Variants in MAP4K4 observed in about 807,000 individuals in gnomAD.
MAP4K4 encodes the protein mitogen-activated protein kinase kinase kinase kinase 4, also known as HPK/GCK-like kinase HGK.
MAP4K4 carries 38 observed loss-of-function variants against 189.6 expected under a neutral mutation model. That is an observed-to-expected ratio of 0.20 (90% confidence interval 0.15 to 0.26). The LOEUF is 0.26. Ranked by LOEUF, MAP4K4 falls within the 10% of genes least tolerant of loss-of-function variation. MAP4K4 has a pLI of 1.00. For missense variants in MAP4K4, 1,054 were observed against 1,726.9 expected, an observed-to-expected ratio of 0.61 and a Z score of 6.91; for synonymous variants, 610 against 624.3, an observed-to-expected ratio of 0.98 and a Z score of 0.34.
At chr2:101,890,985 A>G (rs1291807940) in intron 32 of MAP4K4, among the ~76,000 whole-genome samples, 181 bp from the exon 33 acceptor site, 2 of 152,080 alleles carry the variant, frequency 1.3e-5, no homozygotes, top group Non-Finnish European at 2.9e-5. Context: ...TGGCCTCCCA[A>G]AGTGCTGGGA....
At chr2:101,745,404 A>T (rs2149835701) in intron 2 of MAP4K4, among the ~76,000 whole-genome samples, 1 of 103,292 alleles carries the variant, frequency 9.7e-6, no homozygotes, top group African/African-American at 4.1e-5. Flanking sequence ...GTCTCTGGTG[A>T]TTTCCTACAT....
intron 2 of MAP4K4, among the ~76,000 whole-genome samples, chr2:101,755,942 T>TC (rs2072438399): frequency 7.6e-6 from 1 of 130,764 alleles, no homozygotes; most frequent in Non-Finnish European, 1.6e-5. Flanking sequence ...TTTTTTTTTT[T>TC]TTTTTTTTTT....
chr2:101,698,196 G>A, intron 1 of MAP4K4, 59 bp downstream of exon 1: 1 of 551,832 alleles, frequency 1.8e-6, no homozygotes, highest in Non-Finnish European at 2.3e-6. Context: ...GGCAGCCGGG[G>A]CCGCGCCCAG....
chr2:101,793,060 G>A (rs2093189687), intron 3 of MAP4K4, among the ~76,000 whole-genome samples: 1 of 152,094 alleles, frequency 6.6e-6, no homozygotes, highest in Non-Finnish European at 1.5e-5. Context: ...CACTTTTGTT[G>A]AGTTGTGTAC....
At chr2:101,795,735 A>G (rs762009290) in intron 3 of MAP4K4, among the ~76,000 whole-genome samples, 1 of 152,204 alleles carries the variant, frequency 6.6e-6, no homozygotes, top group Non-Finnish European at 1.5e-5. Flanking sequence ...CTTTGAGTAG[A>G]CAGAGCTAAG....
At position 101,829,484 on chromosome 2, in the gene MAP4K4, G is replaced by C. The variant is rs1229284945; in HGVS notation, c.418-20G>C. 6.4e-7 allele frequency: 1 copy of C among 1,562,526 alleles called. No individual in the cohort carries two copies. The stretch of plus-strand genomic sequence containing the variant: ...TATAGTCACAGAAAACTAAAATTCA[G>C]GTCTGTCTTTCCTATTCAGGGACTG... On this transcript the variant is annotated intron_variant, in intron 5 of 32. Transcript: ENST00000324219.
intron 7 of MAP4K4, 91 bp from the exon 8 acceptor site, chr2:101,834,318 T>C: frequency 1.0e-6 from 1 of 978,740 alleles, no homozygotes; most frequent in Non-Finnish European, 1.6e-6. Context: ...CCTTTTGGTT[T>C]ATATAGCAAA....
exon 22 of MAP4K4, chr2:101,869,763 G>A (rs765225259): frequency 3.8e-6 from 6 of 1,583,732 alleles, no homozygotes; most frequent in East Asian, 2.3e-5. Flanking sequence ...AGGGGCTGAC[G>A]AGTCCACCTC....
chr2:101,781,277 A>G (rs926656185), intron 2 of MAP4K4, among the ~76,000 whole-genome samples: 2 of 152,088 alleles, frequency 1.3e-5, no homozygotes, highest in Non-Finnish European at 2.9e-5. Context: ...ATCCTTTGTA[A>G]TGCATCTTCA....
At chr2:101,727,709 C>T (rs1179717851) in intron 2 of MAP4K4, among the ~76,000 whole-genome samples, 5 of 152,384 alleles carry the variant, frequency 3.3e-5, no homozygotes, top group Admixed American at 6.5e-5. Context: ...TGGCTCATGC[C>T]TGTAATCCCA....
intron 3 of MAP4K4, among the ~76,000 whole-genome samples, chr2:101,799,256 G>A (rs775786672): frequency 6.6e-6 from 1 of 152,156 alleles, no homozygotes; most frequent in African/African-American, 2.4e-5. Flanking sequence ...AGAGGCTTTT[G>A]TCAGAATTAA....
chr2:101,750,440 C>T (rs1330916079), intron 2 of MAP4K4, among the ~76,000 whole-genome samples: 2 of 146,390 alleles, frequency 1.4e-5, no homozygotes, highest in Admixed American at 1.4e-4. Flanking sequence ...TATTCTCACT[C>T]ATAGGTGGGA....
intron 2 of MAP4K4, among the ~76,000 whole-genome samples, chr2:101,756,945 A>G (rs1024374433): frequency 6.6e-6 from 1 of 152,068 alleles, no homozygotes; most frequent in African/African-American, 2.4e-5. Flanking sequence ...GTTTCACCTG[A>G]GTATTTATTG....
intron 2 of MAP4K4, among the ~76,000 whole-genome samples, chr2:101,772,758 A>AT (rs1434656119): frequency 6.6e-6 from 1 of 152,156 alleles, no homozygotes; most frequent in African/African-American, 2.4e-5. Context: ...GGTAATTAAC[A>AT]TTTCTTTATC....
At chr2:101,725,892 A>T (rs1390716440) in intron 2 of MAP4K4, among the ~76,000 whole-genome samples, 1 of 152,106 alleles carries the variant, frequency 6.6e-6, no homozygotes, top group East Asian at 1.9e-4. Context: ...CTTCCACATA[A>T]ACCTACCTTG....
At chr2:101,858,869 A>C in intron 13 of MAP4K4, 127 bp from the exon 14 acceptor site, 1 of 638,576 alleles carries the variant, frequency 1.6e-6, no homozygotes, top group Admixed American at 2.9e-5. Flanking sequence ...GATTTTCTTC[A>C]GGTATTTACC....
intron 2 of MAP4K4, among the ~76,000 whole-genome samples, chr2:101,772,095 C>T (rs1431719268): frequency 6.6e-6 from 1 of 152,220 alleles, no homozygotes; most frequent in East Asian, 1.9e-4. Context: ...AGTCTGTTGG[C>T]TCAGTGTGTG....
intron 2 of MAP4K4, among the ~76,000 whole-genome samples, chr2:101,716,217 G>A (rs890576140): frequency 3.3e-5 from 5 of 152,226 alleles, no homozygotes; most frequent in Non-Finnish European, 1.5e-5. Flanking sequence ...GCCGAGGTGG[G>A]CGGATCACGA....
At chr2:101,730,826 T>C (rs2149581670) in intron 2 of MAP4K4, among the ~76,000 whole-genome samples, 1 of 152,092 alleles carries the variant, frequency 6.6e-6, no homozygotes, top group South Asian at 2.1e-4. Flanking sequence ...GGCAGGCGGA[T>C]CATGAGATCA....
Sources: allele counts gnomAD v4.1 joint callset (sites outside exome capture counted in the v4.1 genomes callset), GRCh38; gene constraint gnomAD v4.1.1; transcripts MANE v1.5; gene names NCBI Gene and HGNC (gene_info 2026-07-23, HGNC 2026-07-21).